The following MROH7 variants were observed in gnomAD, a reference collection of about 807,000 sequenced individuals.
The protein encoded by MROH7 is maestro heat like repeat family member 7.
A neutral mutation model predicts 129.2 loss-of-function variants in MROH7; 113 were observed. The observed-to-expected ratio is 0.87, with a 90% CI of 0.75 to 1.02. The LOEUF (loss-of-function observed/expected upper bound fraction) is 1.02, where lower values mean the gene tolerates loss of function less well. Among genes scored for constraint, MROH7 ranks in the 50% least tolerant of loss-of-function variants. The pLI is 0.00. For synonymous variants in MROH7, 655 were observed against 667.9 expected (o/e 0.98, Z 0.30); for missense variants, 1,601 against 1,671.3 (o/e 0.96, Z 0.73).
chr1:54,709,992 C>T lies in MROH7; in HGVS notation c.3777C>T (p.Tyr1259=), dbSNP rs201217871. The change falls in exon 24 of 24, where the codon TAC becomes TAT. Residue 1259 remains tyrosine, a synonymous_variant. Coordinates refer to ENST00000421030, the MANE Select transcript of MROH7 (RefSeq NM_001039464.4). ...ACCCAGAAGCATCAGTGTGCATCTACGCAGCCCAGGTCCAGGACCACATCC... is the reference window on the plus strand; with the variant it reads ...ACCCAGAAGCATCAGTGTGCATCTATGCAGCCCAGGTCCAGGACCACATCC... ...RHDPEASVCI[Y]AAQVQDHILA... 41 of 1,614,114 alleles carry T rather than the reference C, an allele frequency of 2.5e-5. No individual in the cohort carries two copies. The highest frequency in any genetic ancestry group is 1.6e-4 in the Middle Eastern group (1 of 6,062).
intron 4 of MROH7, among the ~76,000 whole-genome samples, chr1:54,667,773 A>G (rs1644835058): frequency 1.7e-5 from 1 of 57,514 alleles, no homozygotes; most frequent in Non-Finnish European, 3.0e-5. Context: ...TTTACAAAGT[A>G]AAAAAAAAAA....
intron 1 of MROH7, among the ~76,000 whole-genome samples, chr1:54,643,075 A>G (rs553543355): frequency 6.6e-6 from 1 of 152,136 alleles, no homozygotes; most frequent in Non-Finnish European, 1.5e-5. Context: ...GTGCTGGGAA[A>G]ATAGGGGTAA....
intron 4 of MROH7, among the ~76,000 whole-genome samples, chr1:54,668,017 A>G (rs1415090887): frequency 7.9e-5 from 12 of 152,196 alleles, no homozygotes; most frequent in Admixed American, 5.9e-4. Flanking sequence ...GCTCCACAGT[A>G]TAGACTGAGA....
At chr1:54,697,666 A>C (rs1645345163) in intron 17 of MROH7, 2 of 703,340 alleles carry the variant, frequency 2.8e-6, no homozygotes, top group Non-Finnish European at 5.2e-6. Context: ...CCCTGCGAAG[A>C]AGGAATTGTG....
intron 14 of MROH7, 50 bp from the exon 15 acceptor site, chr1:54,686,208 G>T (rs192486891): frequency 2.0e-6 from 3 of 1,534,842 alleles, no homozygotes; most frequent in Admixed American, 3.5e-5. Flanking sequence ...AGCCAGGAGT[G>T]CTGGGAAGAT....
Position 54,674,118 on chromosome 1 carries a change from A to C in MROH7, c.1903A>C (p.Ile635Leu). The change falls in exon 10 of 24, where the codon ATC (isoleucine) becomes CTC (leucine). Residue 635 changes from isoleucine to leucine, a missense_variant. Ile to Leu is a conservative substitution (Grantham distance 5). Coordinates refer to ENST00000421030, the MANE Select transcript of MROH7 (RefSeq NM_001039464.4). ...EIGCEALDGI[I>L]ILYTILELQK... is the part of the protein sequence containing the mutation. ...TGGCTGTGAGGCTCTGGACGGCATC[A>C]TCATCCTCTACACTATTCTGGAGCT... is the stretch of plus-strand genomic sequence containing the variant. 1 of 1,614,054 alleles carries C rather than the reference A, an allele frequency of 6.2e-7. No homozygotes were observed. The highest frequency in any genetic ancestry group is 1.1e-5 in the South Asian group (1 of 91,082).
intron 10 of MROH7, among the ~76,000 whole-genome samples, chr1:54,677,220 G>GACA (rs1439353641): frequency 1.3e-5 from 2 of 152,102 alleles, no homozygotes; most frequent in East Asian, 3.9e-4. Flanking sequence ...CCAACAAGGT[G>GACA]ACACCCTGTC....
intron 17 of MROH7, chr1:54,698,959 A>C (rs1645367044): frequency 6.6e-6 from 1 of 151,588 alleles, no homozygotes; most frequent in Non-Finnish European, 1.5e-5. Context: ...ATGCCCAGCT[A>C]ATTTTTGTAT....
At position 54,702,203 on chromosome 1, in the gene MROH7, C is replaced by T; in HGVS notation, c.3399C>T (p.Pro1133=). The stretch of plus-strand genomic sequence containing the variant: ...AGCAGCTGGTCAGCACCTTGGTGCC[C>T]CTACTGCTGACCATGCAGGAGGGCA... ...MEEQLVSTLV[P]LLLTMQEGNS... The change falls in exon 20 of 24, where the codon CCC becomes CCT. Residue 1133 remains proline (P), a synonymous_variant. Coordinates refer to ENST00000421030, the MANE Select transcript of MROH7 (RefSeq NM_001039464.4). 6.3e-7 allele frequency: 1 copy of T among 1,590,986 alleles called. No homozygotes were observed. The highest frequency in any genetic ancestry group is 8.6e-7 in the Non-Finnish European group (1 of 1,169,490).
chr1:54,648,041 T>C (rs1644496002), intron 1 of MROH7, among the ~76,000 whole-genome samples: 1 of 152,102 alleles, frequency 6.6e-6, no homozygotes, highest in East Asian at 1.9e-4. Context: ...ATACAATTTA[T>C]TTAATTATTT....
intron 1 of MROH7, among the ~76,000 whole-genome samples, chr1:54,647,488 C>A (rs1644484586): frequency 6.6e-6 from 1 of 152,060 alleles, no homozygotes. Flanking sequence ...GCCTGTAATC[C>A]CAGCACCTTC....
chr1:54,672,876 G>C (rs761635094), intron 7 of MROH7, among the ~76,000 whole-genome samples: 9 of 52,926 alleles, frequency 1.7e-4, no homozygotes, highest in Non-Finnish European at 2.9e-4. Context: ...AAAGTGCAGA[G>C]ATAATAATTA....
rs748750207 is a variant in MROH7, at chr1:54,710,075, C to T, written c.3860C>T (p.Ser1287Leu). The T allele has an allele frequency of 1.9e-6, 3 of 1,614,080 alleles. No individual in the cohort carries two copies. Among genetic ancestry groups the T allele is most frequent in the Non-Finnish European group, 2.5e-6 (3 of 1,180,000 alleles). ...LPHGNSWVCY[S>L]ATTHRWSPSC... Reference sequence around the variant, plus strand: ...CACGGGAACTCATGGGTGTGTTACTCAGCCACCACCCACCGCTGGAGCCCC... The same window carrying T: ...CACGGGAACTCATGGGTGTGTTACTTAGCCACCACCCACCGCTGGAGCCCC... The change falls in exon 24 of 24, where the codon TCA becomes TTA. Residue 1287 changes from serine (S) to leucine (L), a missense_variant. Ser to Leu is a moderately radical substitution (Grantham distance 145). Transcript: ENST00000421030.
chr1:54,699,093 C>CTGCCT (rs1406420741), intron 17 of MROH7: 130 of 107,968 alleles, frequency 1.2e-3, no homozygotes, highest in Non-Finnish European at 1.9e-3. Flanking sequence ...CTTGCCTGGC[C>CTGCCT]TTTTCTTTCT....
chr1:54,650,682 C>T (rs1424589913), intron 1 of MROH7, among the ~76,000 whole-genome samples: 2 of 151,880 alleles, frequency 1.3e-5, no homozygotes, highest in Non-Finnish European at 2.9e-5. Context: ...ACTTTCCTTA[C>T]CAATGTTTAG....
In MROH7 at chr1:54,701,144, C is replaced by T. The variant is rs758853291; in HGVS notation, c.3107C>T (p.Thr1036Ile). ...ATCCCAAATGCTCCTGCCCCACAGA[C>T]CGCCAAGGTGAAGGCCCTCCTGCCC... The part of the protein sequence containing the change: ...LVILARRSEK[T>I]AKVKALLPSM... The change falls in exon 19 of 24, where the codon ACC (threonine) becomes ATC (isoleucine). Residue 1036 changes from threonine (T) to isoleucine (I), a missense_variant and splice_region_variant. Coordinates refer to ENST00000421030, the MANE Select transcript of MROH7 (RefSeq NM_001039464.4). 5.0e-6 allele frequency: 8 copies of T among 1,613,258 alleles called. No individual in the cohort carries two copies. In the South Asian group the frequency reaches 7.7e-5, roughly 16 times the overall value.
intron 3 of MROH7, among the ~76,000 whole-genome samples, chr1:54,655,303 C>A (rs898389943): frequency 6.6e-6 from 1 of 152,200 alleles, no homozygotes; most frequent in East Asian, 1.9e-4. Context: ...GCTTGAGCCA[C>A]CACACCCGAC....
rs1224214821 is a variant in MROH7, at chr1:54,653,213, T to A, written c.287T>A (p.Ile96Asn). ...GCTATCGCTCCAGCCTCCCTCCAGA[T>A]CACCAGTTCTTGTTCTGGTGAAGCC... is the stretch of plus-strand genomic sequence containing the variant. ...SRAIAPASLQITSSCSGEALD... is the reference protein window; with the variant it reads ...SRAIAPASLQNTSSCSGEALD... The change falls in exon 3 of 24, where the codon ATC becomes AAC. Residue 96 changes from isoleucine (I) to asparagine (N), a missense_variant. Transcript: ENST00000421030. The A allele has an allele frequency of 3.1e-6, 5 of 1,614,038 alleles. No homozygotes were observed. In the African/African-American group the frequency reaches 4.0e-5, roughly 13 times the overall value.
Position 54,653,309 on chromosome 1 carries a change from T to C in MROH7, c.383T>C (p.Ile128Thr), listed in dbSNP as rs201689263. The stretch of plus-strand genomic sequence containing the variant: ...CGCCTCTGTCCAGCCTCAAACCCCA[T>C]TCTGAGCCCTAGCTCTACTGAGGCC... ...QGRLCPASNP[I>T]LSPSSTEAPR... Residue 128 changes from isoleucine to threonine, a missense_variant, in exon 3 of 24, where the codon ATT becomes ACT. Ile to Thr is a moderately conservative substitution (Grantham distance 89). Transcript: ENST00000421030. The C allele has an allele frequency of 8.9e-5, 144 of 1,614,144 alleles. No individual in the cohort carries two copies. The African/African-American group carries it at 1.8e-3, about 21-fold the overall frequency.
Sources: allele counts gnomAD v4.1 joint callset (sites outside exome capture counted in the v4.1 genomes callset), GRCh38; gene constraint gnomAD v4.1.1; transcripts MANE v1.5; gene names NCBI Gene and HGNC (gene_info 2026-07-23, HGNC 2026-07-21).